The following PDE1C variants were observed in gnomAD, a reference collection of about 807,000 sequenced individuals.
PDE1C encodes the protein phosphodiesterase 1C.
A neutral mutation model predicts 93.1 loss-of-function variants in PDE1C; 62 were observed. The ratio of observed to expected loss-of-function variants is 0.67; its 90% CI spans 0.54 to 0.82. The LOEUF is 0.82. PDE1C is among the 40% of genes least tolerant of loss of function. The pLI, the probability that PDE1C is intolerant of heterozygous loss-of-function variation, is 0.00. For missense variants in PDE1C, 742 were observed against 884.6 expected (o/e 0.84, Z 2.04); for synonymous variants, 325 against 310.1 (o/e 1.05, Z -0.50).
At chr7:32,355,506 A>G (rs1022549705) in intron 1 of PDE1C, among the ~76,000 whole-genome samples, 1 of 146,838 alleles carries the variant, frequency 6.8e-6, no homozygotes, top group Non-Finnish European at 1.5e-5. Context: ...TGTGTCCCCC[A>G]CCATCCCCTC....
At chr7:32,188,283 GGTCTTACTTTCTTCT>G (rs1366426058) in intron 2 of PDE1C, among the ~76,000 whole-genome samples, 2 of 151,888 alleles carry the variant, frequency 1.3e-5, no homozygotes, top group Non-Finnish European at 2.9e-5. Context: ...TGCAAACCCA[GGTCTTACTTTCTTCT>G]GTTCAGGCAA....
chr7:32,248,861 CG>C (rs1396314910), intron 1 of PDE1C, among the ~76,000 whole-genome samples: 2 of 152,052 alleles, frequency 1.3e-5, no homozygotes, highest in East Asian at 3.9e-4. Flanking sequence ...TTGCTTTGTA[CG>C]TGAATGCTGC....
chr7:31,876,731 A>AT (rs1325296041), intron 5 of PDE1C, among the ~76,000 whole-genome samples: 1 of 152,214 alleles, frequency 6.6e-6, no homozygotes, highest in Non-Finnish European at 1.5e-5. Context: ...ACACTGAAGT[A>AT]TTGGGCATCA....
At chr7:31,948,728 A>G (rs1393225993) in intron 2 of PDE1C, among the ~76,000 whole-genome samples, 3 of 152,054 alleles carry the variant, frequency 2.0e-5, no homozygotes, top group African/African-American at 7.2e-5. Context: ...TTGTTCCATC[A>G]TCCTAATACC....
the PDE1C span, among the ~76,000 whole-genome samples, chr7:31,669,828 A>T: frequency 6.6e-6 from 1 of 152,210 alleles, no homozygotes; most frequent in Non-Finnish European, 1.5e-5. Flanking sequence ...GCCTACAGAC[A>T]TTTTGATTAT....
chr7:31,714,911 C>T, the PDE1C span, among the ~76,000 whole-genome samples: 1 of 152,094 alleles, frequency 6.6e-6, no homozygotes, highest in South Asian at 2.1e-4. Context: ...AGATGAGGAC[C>T]TCACAGATGC....
At chr7:32,312,659 T>G (rs571354502) in intron 1 of PDE1C, among the ~76,000 whole-genome samples, 1 of 152,320 alleles carries the variant, frequency 6.6e-6, no homozygotes, top group African/African-American at 2.4e-5. Flanking sequence ...GGGGAAAGGA[T>G]TCCCTATTTA....
the PDE1C span, chr7:31,643,006 A>G: frequency 3.1e-6 from 5 of 1,613,934 alleles, no homozygotes; most frequent in Non-Finnish European, 8.5e-7. Context: ...GCTTCTGCCA[A>G]TGCCCCATGC....
the PDE1C span, among the ~76,000 whole-genome samples, chr7:31,719,032 G>T: frequency 1.3e-5 from 2 of 152,226 alleles, no homozygotes; most frequent in African/African-American, 4.8e-5. Flanking sequence ...CAGCCAGGAC[G>T]TTTGAAAGAA....
chr7:31,810,442 T>C (rs1281562551), intron 15 of PDE1C, among the ~76,000 whole-genome samples: 1 of 152,154 alleles, frequency 6.6e-6, no homozygotes, highest in Non-Finnish European at 1.5e-5. Flanking sequence ...GCATGCATCA[T>C]TTTATTAAAT....
At chr7:31,643,131 C>G in the PDE1C span, 1 of 1,613,922 alleles carries the variant, frequency 6.2e-7, no homozygotes, top group Non-Finnish European at 8.5e-7. Context: ...AGGGAGCTGG[C>G]AAAGTGCAAA....
At chr7:31,624,460 T>TAGATCAATGGAACAG in the PDE1C span, among the ~76,000 whole-genome samples, 1 of 104,890 alleles carries the variant, frequency 9.5e-6, no homozygotes. Flanking sequence ...CCCTCAGAAA[T>TAGATCAATGGAACAG]AACGCCACAT....
intron 2 of PDE1C, among the ~76,000 whole-genome samples, chr7:31,999,541 T>A (rs1410546801): frequency 6.6e-6 from 1 of 152,154 alleles, no homozygotes; most frequent in East Asian, 1.9e-4. Context: ...CTGAAGCCAC[T>A]TCACACTCAG....
chr7:32,209,657 T>A, intron 1 of PDE1C: 1 of 872,154 alleles, frequency 1.1e-6, no homozygotes, highest in Non-Finnish European at 1.7e-6. Context: ...AGAGTCTTTG[T>A]AAGTGAATAA....
intron 1 of PDE1C, among the ~76,000 whole-genome samples, chr7:32,271,919 G>C (rs1453363899): frequency 6.6e-6 from 1 of 152,190 alleles, no homozygotes; most frequent in Non-Finnish European, 1.5e-5. Flanking sequence ...GGGCTGTCTT[G>C]CTTAGGAACT....
intron 2 of PDE1C, among the ~76,000 whole-genome samples, chr7:31,924,691 G>A (rs964258152): frequency 5.3e-5 from 8 of 152,248 alleles, no homozygotes; most frequent in African/African-American, 1.2e-4. Context: ...CGTTTTACTC[G>A]ATGCCTCTCT....
At chr7:31,991,854 C>A (rs113055011) in intron 2 of PDE1C, among the ~76,000 whole-genome samples, 5 of 152,302 alleles carry the variant, frequency 3.3e-5, no homozygotes, top group African/African-American at 1.2e-4. Context: ...TAACAACCTG[C>A]TTCCTTTTCC....
intron 2 of PDE1C, among the ~76,000 whole-genome samples, chr7:31,960,205 A>C (rs1808745892): frequency 6.6e-6 from 1 of 152,146 alleles, no homozygotes; most frequent in South Asian, 2.1e-4. Flanking sequence ...TTGTGACTTT[A>C]CAATGAAGAA....
intron 3 of PDE1C, among the ~76,000 whole-genome samples, chr7:32,112,838 G>GTT: frequency 1.6e-5 from 1 of 61,320 alleles, no homozygotes. Context: ...GTGTGTGTGT[G>GTT]TGTGTGTGTA....
Sources: gnomAD v4.1 joint callset for allele counts (sites outside exome capture counted in the v4.1 genomes callset) on GRCh38, gnomAD v4.1.1 for gene constraint, MANE v1.5 for transcripts, NCBI Gene and HGNC (gene_info 2026-07-23, HGNC 2026-07-21) for gene names.